Variants in PECR observed in about 807,000 individuals in gnomAD.
PECR encodes the protein peroxisomal trans-2-enoyl-CoA reductase.
In PECR, 30 loss-of-function variants were observed where a neutral mutation model predicts 35.3. The ratio of observed to expected loss-of-function variants is 0.85; its 90% CI spans 0.64 to 1.15. The LOEUF is 1.15. Among genes scored for constraint, PECR ranks in the 50% most tolerant of loss-of-function variants. The pLI is 0.00. For synonymous variants in PECR, 148 were observed against 138.9 expected (o/e 1.07, Z -0.46); for missense variants, 392 against 370.8 (o/e 1.06, Z -0.47).
rs183298529 is a variant in PECR, at chr2:216,054,838, C to T, written c.507-3293G>A. The stretch of plus-strand genomic sequence containing the variant: ...TCAAAGATACTTAATGTAGGCCAGG[C>T]GTGGTGGCTCACGCCTGTAATCCCA... On this transcript the variant is annotated intron_variant, in intron 4 of 7. Coordinates refer to ENST00000265322, the MANE Select transcript of PECR (RefSeq NM_018441.6). 1.4e-3 allele frequency among the ~76,000 whole-genome samples: 210 copies of T among 151,470 alleles called. 1 individual carries two copies. Among genetic ancestry groups the T allele is most frequent in the Non-Finnish European group, 1.1e-3 (74 of 67,858 alleles).
chr2:216,051,936 T>C (rs1574685910), intron 4 of PECR, among the ~76,000 whole-genome samples: 1 of 152,246 alleles, frequency 6.6e-6, no homozygotes, highest in Admixed American at 6.5e-5. Flanking sequence ...CCTATAATCC[T>C]AGCACTTTGG....
intron 1 of PECR, among the ~76,000 whole-genome samples, chr2:216,067,913 T>A (rs1185212767): frequency 2.0e-5 from 3 of 151,840 alleles, no homozygotes; most frequent in Non-Finnish European, 4.4e-5. Flanking sequence ...CAGCACATAA[T>A]TAGGAGAAAA....
chr2:216,070,661 A>C (rs1695571378), intron 1 of PECR, among the ~76,000 whole-genome samples: 1 of 152,248 alleles, frequency 6.6e-6, no homozygotes, highest in African/African-American at 2.4e-5. Context: ...GGGAAGAAGA[A>C]GAGGGTTCCC....
chr2:216,065,767 T>A (rs1695454313), intron 2 of PECR, among the ~76,000 whole-genome samples: 1 of 152,218 alleles, frequency 6.6e-6, no homozygotes, highest in African/African-American at 2.4e-5. Context: ...CTGTCATATA[T>A]TAATTTGACA....
At chr2:216,051,353 C>T (rs1695111537) in intron 5 of PECR, 96 bp downstream of exon 5, 2 of 760,556 alleles carry the variant, frequency 2.6e-6, no homozygotes, top group Non-Finnish European at 4.8e-6. Context: ...ATCTTTTATG[C>T]TATACTTGCT....
At chr2:216,029,387 C>T (rs557073383) in intron 7 of PECR, among the ~76,000 whole-genome samples, 3 of 152,122 alleles carry the variant, frequency 2.0e-5, no homozygotes, top group South Asian at 4.1e-4. Context: ...CTGAGGCAGG[C>T]GAATTGCTTG....
rs554208752 is a variant in PECR, at chr2:216,050,416, T to C, written c.603+1033A>G. On this transcript the variant is annotated intron_variant, in intron 5 of 7. Transcript: ENST00000265322. ...CAATTACATAATATGTTGCCTTTTA[T>C]TTAAAGAGGATAAAATCTAGAAGTA... Among the ~76,000 whole-genome samples, 86 of 152,356 alleles carry C rather than the reference T, an allele frequency of 5.6e-4. 1 individual carries two copies. The highest frequency in any genetic ancestry group is 2.2e-3 in the Admixed American group (33 of 15,302).
intron 7 of PECR, among the ~76,000 whole-genome samples, chr2:216,042,639 G>A (rs1305614575): frequency 6.6e-6 from 1 of 152,048 alleles, no homozygotes; most frequent in Non-Finnish European, 1.5e-5. Flanking sequence ...CTAGGATACT[G>A]GACTTTGTGA....
intron 6 of PECR, among the ~76,000 whole-genome samples, chr2:216,046,055 T>C (rs1472654886): frequency 1.3e-5 from 2 of 151,244 alleles, no homozygotes; most frequent in African/African-American, 4.9e-5. Context: ...TGCATGACTG[T>C]TAATCCCAGC....
chr2:216,058,802 G>A (rs184376075), intron 4 of PECR, 93 bp downstream of exon 4: 2 of 754,678 alleles, frequency 2.7e-6, no homozygotes, highest in Admixed American at 4.0e-5. Context: ...AGGTATTAAT[G>A]ATCTTGATTT....
intron 6 of PECR, among the ~76,000 whole-genome samples, chr2:216,048,833 C>G (rs1316163330): frequency 8.9e-6 from 1 of 112,802 alleles, no homozygotes; most frequent in Non-Finnish European, 1.7e-5. Context: ...GAGTGAAACA[C>G]TGTCTCAAGC....
At position 216,039,243 on chromosome 2, in the gene PECR, C is replaced by T; in HGVS notation, c.*32G>A. On this transcript the variant is annotated 3_prime_UTR_variant, in exon 8 of 8. Coordinates refer to ENST00000265322, the MANE Select transcript of PECR (RefSeq NM_018441.6). The stretch of plus-strand genomic sequence containing the variant: ...AGCATATCCTCAAGATGTGAAGGCA[C>T]TGGGGGATGGAGGACACCTTGTTTC... 8.8e-7 allele frequency: 1 copy of T among 1,142,568 alleles called. No homozygotes were observed. The highest frequency in any genetic ancestry group is 1.3e-6 in the Non-Finnish European group (1 of 749,676). The allele number at this position is 1,142,568 out of a possible 1,614,324, so 70.8% of individuals were successfully genotyped here.
chr2:216,035,808 A>C (rs771009510), downstream of PECR, among the ~76,000 whole-genome samples: 1 of 152,102 alleles, frequency 6.6e-6, no homozygotes. Flanking sequence ...TTGAGCTCTC[A>C]GTCTTAGTCC....
At chr2:216,061,610 T>C (rs957834624) in intron 3 of PECR, among the ~76,000 whole-genome samples, 2 of 152,090 alleles carry the variant, frequency 1.3e-5, no homozygotes, top group African/African-American at 2.4e-5. Flanking sequence ...TAAGTGAATA[T>C]AATCACCACA....
chr2:216,041,056 C>T (rs1694877850), intron 7 of PECR, among the ~76,000 whole-genome samples: 1 of 152,084 alleles, frequency 6.6e-6, no homozygotes, highest in South Asian at 2.1e-4. Flanking sequence ...CACCTTGGAG[C>T]TGCCAATCTT....
At chr2:216,064,694 A>C (rs1020994721) in intron 3 of PECR, among the ~76,000 whole-genome samples, 15 of 152,216 alleles carry the variant, frequency 9.9e-5, no homozygotes, top group Admixed American at 3.9e-4. Context: ...TTAGGTAGAG[A>C]TGTCTGCAAG....
intron 7 of PECR, among the ~76,000 whole-genome samples, chr2:216,041,293 T>C (rs1334747447): frequency 6.6e-6 from 1 of 152,184 alleles, no homozygotes; most frequent in Non-Finnish European, 1.5e-5. Flanking sequence ...CGATAAGAAA[T>C]AGTGACTGAA....
intron 6 of PECR, among the ~76,000 whole-genome samples, chr2:216,046,534 A>G (rs543489155): frequency 6.6e-6 from 1 of 151,094 alleles, no homozygotes; most frequent in Admixed American, 6.6e-5. Context: ...CTGATCTTGA[A>G]CTCCTACCTC....
chr2:216,062,776 A>G (rs1695381433), intron 3 of PECR, among the ~76,000 whole-genome samples: 1 of 152,234 alleles, frequency 6.6e-6, no homozygotes, highest in Non-Finnish European at 1.5e-5. Context: ...AACAGATTGC[A>G]TATATAACAG....
Sources: allele counts gnomAD v4.1 joint callset (sites outside exome capture counted in the v4.1 genomes callset), GRCh38; gene constraint gnomAD v4.1.1; transcripts MANE v1.5; gene names NCBI Gene and HGNC (gene_info 2026-07-23, HGNC 2026-07-21).